The following CLVS1 variants were observed in gnomAD, a reference collection of about 807,000 sequenced individuals.
CLVS1 encodes the protein clavesin-1.
CLVS1 carries 10 observed loss-of-function variants against 33.1 expected under a neutral mutation model. The ratio of observed to expected loss-of-function variants is 0.30; its 90% CI spans 0.19 to 0.51. The LOEUF is 0.51. Ranked by LOEUF, CLVS1 falls within the 20% of genes least tolerant of loss-of-function variation. The pLI, the probability that CLVS1 is intolerant of heterozygous loss-of-function variation, is 0.97. For missense variants in CLVS1, 343 were observed against 433.4 expected, an observed-to-expected ratio of 0.79 and a Z score of 1.85; for synonymous variants, 163 against 166.1, an observed-to-expected ratio of 0.98 and a Z score of 0.14.
chr8:61,363,083 A>C (rs1381395814), intron 2 of CLVS1, among the ~76,000 whole-genome samples: 2 of 152,194 alleles, frequency 1.3e-5, no homozygotes, highest in Admixed American at 1.3e-4. Flanking sequence ...AGAACTTTCC[A>C]GGGGCTGAGC....
At chr8:61,186,486 G>A (rs1807346295) in intron 2 of CLVS1, among the ~76,000 whole-genome samples, 1 of 152,192 alleles carries the variant, frequency 6.6e-6, no homozygotes, top group Non-Finnish European at 1.5e-5. Context: ...TGAACTTGAA[G>A]GGATGAGAGA....
chr8:61,134,192 T>A (rs1326919305), intron 2 of CLVS1, among the ~76,000 whole-genome samples: 1 of 152,042 alleles, frequency 6.6e-6, no homozygotes, highest in Non-Finnish European at 1.5e-5. Flanking sequence ...ATAGACAGTT[T>A]AAAAAGTGTT....
chr8:61,271,002 GTC>G (rs1164205986), intron 2 of CLVS1, among the ~76,000 whole-genome samples: 2 of 148,564 alleles, frequency 1.3e-5, no homozygotes, highest in Non-Finnish European at 3.0e-5. Flanking sequence ...GGTTTTTTGT[GTC>G]TCTATTTCCT....
chr8:61,032,717 G>T, the CLVS1 span, among the ~76,000 whole-genome samples: 1 of 152,146 alleles, frequency 6.6e-6, no homozygotes, highest in Non-Finnish European at 1.5e-5. Flanking sequence ...CAGAGGAAGA[G>T]CAGGTAATAG....
intron 1 of CLVS1, among the ~76,000 whole-genome samples, chr8:61,121,282 C>T (rs527364441): frequency 4.6e-5 from 7 of 152,314 alleles, no homozygotes; most frequent in African/African-American, 1.4e-4. Context: ...CTGGCACTCC[C>T]TAGTGAGATG....
intron 1 of CLVS1, among the ~76,000 whole-genome samples, chr8:61,081,028 T>G (rs1350533855): frequency 6.6e-6 from 1 of 152,164 alleles, no homozygotes; most frequent in African/African-American, 2.4e-5. Context: ...GTCTACAATC[T>G]TAGTTTGGTT....
chr8:60,980,594 T>C, the CLVS1 span, among the ~76,000 whole-genome samples: 211 of 152,314 alleles, frequency 1.4e-3, 1 homozygote, highest in African/African-American at 4.9e-3. Flanking sequence ...GAGACCAGCT[T>C]GGCCAACATG....
At chr8:61,264,772 C>T (rs1809273009) in intron 2 of CLVS1, 3 of 152,166 alleles carry the variant, frequency 2.0e-5, no homozygotes, top group Admixed American at 1.3e-4. Flanking sequence ...TCCAGTTCCC[C>T]CTTCTCTGAT....
At chr8:61,363,617 T>C (rs529107392) in intron 2 of CLVS1, among the ~76,000 whole-genome samples, 111 of 152,352 alleles carry the variant, frequency 7.3e-4, no homozygotes, top group Non-Finnish European at 1.1e-3. Flanking sequence ...CACACAGAAC[T>C]TTGGATAGGA....
intron 1 of CLVS1, among the ~76,000 whole-genome samples, chr8:61,130,621 G>GT (rs1806076453): frequency 3.3e-5 from 5 of 152,032 alleles, no homozygotes; most frequent in Admixed American, 6.5e-5. Flanking sequence ...GTTTTGTTTT[G>GT]TTTGTACATA....
intron 2 of CLVS1, among the ~76,000 whole-genome samples, chr8:61,303,237 A>T (rs557663642): frequency 6.6e-6 from 1 of 152,352 alleles, no homozygotes; most frequent in Admixed American, 6.5e-5. Flanking sequence ...TTGTGTTAGG[A>T]TTTGGTCCAT....
intron 2 of CLVS1, among the ~76,000 whole-genome samples, chr8:61,189,988 T>A (rs1807435658): frequency 6.6e-6 from 1 of 152,036 alleles, no homozygotes; most frequent in Non-Finnish European, 1.5e-5. Context: ...AACAAGGATA[T>A]CCAGGAATTG....
chr8:61,487,467 A>T (rs1397338592), intron 5 of CLVS1, among the ~76,000 whole-genome samples: 2 of 152,222 alleles, frequency 1.3e-5, no homozygotes, highest in Non-Finnish European at 2.9e-5. Context: ...TCTAAGTAAA[A>T]TGCTGTCTCC....
chr8:61,144,261 T>A (rs528639479), intron 2 of CLVS1, among the ~76,000 whole-genome samples: 1 of 152,254 alleles, frequency 6.6e-6, no homozygotes, highest in Non-Finnish European at 1.5e-5. Flanking sequence ...CCATTTGTTC[T>A]AATTGTTCGA....
intron 2 of CLVS1, among the ~76,000 whole-genome samples, chr8:61,254,939 G>C (rs1023364511): frequency 2.3e-4 from 35 of 152,182 alleles, no homozygotes; most frequent in African/African-American, 8.4e-4. Flanking sequence ...ACAATCCCCA[G>C]TGAGATGCAC....
chr8:61,011,001 C>T, the CLVS1 span, among the ~76,000 whole-genome samples: 1 of 152,246 alleles, frequency 6.6e-6, no homozygotes, highest in Non-Finnish European at 1.5e-5. Context: ...TAAGAGTCCC[C>T]CGTATCTGTT....
chr8:61,498,127 C>G (rs1223174708), intron 5 of CLVS1, among the ~76,000 whole-genome samples: 1 of 152,218 alleles, frequency 6.6e-6, no homozygotes, highest in East Asian at 1.9e-4. Context: ...TTATTTTACC[C>G]AGCCCCTATT....
At chr8:61,043,720 T>C in the CLVS1 span, among the ~76,000 whole-genome samples, 1 of 152,208 alleles carries the variant, frequency 6.6e-6, no homozygotes, top group Non-Finnish European at 1.5e-5. Context: ...AGGACCTGGA[T>C]TGACTGGGCA....
chr8:61,098,260 C>T (rs924417977), intron 1 of CLVS1, among the ~76,000 whole-genome samples: 14 of 152,008 alleles, frequency 9.2e-5, no homozygotes, highest in African/African-American at 3.4e-4. Flanking sequence ...TTACATAAAC[C>T]CTGGGTTGGG....
Sources: allele counts gnomAD v4.1 joint callset (sites outside exome capture counted in the v4.1 genomes callset), GRCh38; gene constraint gnomAD v4.1.1; transcripts MANE v1.5; gene names NCBI Gene and HGNC (gene_info 2026-07-23, HGNC 2026-07-21).